The following LSAMP variants were observed in gnomAD, a reference collection of about 807,000 sequenced individuals.
LSAMP encodes the protein limbic system associated membrane protein, also known as limbic system-associated membrane protein.
A neutral mutation model predicts 38.6 loss-of-function variants in LSAMP; 7 were observed. The ratio of observed to expected loss-of-function variants is 0.18; its 90% CI spans 0.10 to 0.34. The LOEUF (loss-of-function observed/expected upper bound fraction) is 0.34, where lower values mean the gene tolerates loss of function less well. Among genes scored for constraint, LSAMP ranks in the 10% least tolerant of loss-of-function variants. The pLI is 1.00. For synonymous variants in LSAMP, 154 were observed against 166.8 expected (o/e 0.92, Z 0.59); for missense variants, 313 against 420.0 (o/e 0.75, Z 2.23).
chr3:116,329,198 C>A (rs539273054), intron 1 of LSAMP, among the ~76,000 whole-genome samples: 38 of 152,260 alleles, frequency 2.5e-4, no homozygotes, highest in African/African-American at 9.1e-4. Context: ...ACTGAATGCA[C>A]ATATTCTAAT....
rs780302421 is a variant in LSAMP at position 115,810,322 on chromosome 3, A to G, written c.1012T>C (p.Cys338Arg). 2.5e-6 allele frequency: 4 copies of G among 1,608,388 alleles called. No homozygotes were observed. The highest frequency in any genetic ancestry group is 3.4e-6 in the Non-Finnish European group (4 of 1,176,476). Reference sequence around the variant, plus strand: ...ATTTTTAAATTTTTATTCTATTAACATTTGCTGAGAAGGCAGAGCAGAGAT... The same window carrying G: ...ATTTTTAAATTTTTATTCTATTAACGTTTGCTGAGAAGGCAGAGCAGAGAT... ...AASLLCLLSK[C>R] The change falls in exon 7 of 7, where the codon TGT becomes CGT. Residue 338 changes from cysteine to arginine, a missense_variant. Coordinates refer to ENST00000490035, the MANE Select transcript of LSAMP (RefSeq NM_002338.5).
At chr3:116,176,471 T>C (rs1376718809) in intron 1 of LSAMP, among the ~76,000 whole-genome samples, 3 of 152,146 alleles carry the variant, frequency 2.0e-5, no homozygotes, top group Non-Finnish European at 2.9e-5. Flanking sequence ...GCTGCCATGA[T>C]CTTACTTGTC....
At chr3:116,341,759 TC>T (rs1252012533) in intron 1 of LSAMP, among the ~76,000 whole-genome samples, 1 of 151,922 alleles carries the variant, frequency 6.6e-6, no homozygotes, top group Non-Finnish European at 1.5e-5. Context: ...GAGAAATGAC[TC>T]CCGCCTTCCT....
chr3:115,826,146 G>A (rs1302501395), intron 6 of LSAMP, among the ~76,000 whole-genome samples: 5 of 142,976 alleles, frequency 3.5e-5, no homozygotes, highest in African/African-American at 1.4e-4. Context: ...ACAGAGTCTC[G>A]ATCTGTCACC....
intron 2 of LSAMP, among the ~76,000 whole-genome samples, chr3:116,083,214 G>A (rs762366537): frequency 3.3e-5 from 5 of 152,128 alleles, no homozygotes; most frequent in Non-Finnish European, 7.3e-5. Flanking sequence ...ACAGGAGTGA[G>A]TTTTATGGAA....
chr3:116,023,102 A>C (rs1239114855), intron 2 of LSAMP, among the ~76,000 whole-genome samples: 1 of 151,856 alleles, frequency 6.6e-6, no homozygotes, highest in Non-Finnish European at 1.5e-5. Context: ...TGTATGGAGG[A>C]TCAATTTTAT....
intron 1 of LSAMP, among the ~76,000 whole-genome samples, chr3:116,105,064 G>A (rs993586152): frequency 6.6e-6 from 1 of 152,014 alleles, no homozygotes; most frequent in Non-Finnish European, 1.5e-5. Flanking sequence ...GGAAGAGCCA[G>A]CTATACTCTA....
At chr3:116,444,660 C>A (rs2049480854) in intron 1 of LSAMP, among the ~76,000 whole-genome samples, 1 of 151,554 alleles carries the variant, frequency 6.6e-6, no homozygotes, top group Admixed American at 6.6e-5. Context: ...TTGACAGGGA[C>A]CAGAATTCCC....
At chr3:116,087,653 T>C (rs546531534) in intron 1 of LSAMP, among the ~76,000 whole-genome samples, 333 of 152,272 alleles carry the variant, frequency 2.2e-3, no homozygotes, top group African/African-American at 7.7e-3. Flanking sequence ...TAAGACACCC[T>C]GTTCCCCTGT....
At chr3:116,147,240 G>A (rs1310503952) in intron 1 of LSAMP, among the ~76,000 whole-genome samples, 1 of 151,778 alleles carries the variant, frequency 6.6e-6, no homozygotes, top group Admixed American at 6.6e-5. Flanking sequence ...CATGTGATGT[G>A]CTTATCCACA....
chr3:115,917,818 T>C (rs937623733), intron 3 of LSAMP, among the ~76,000 whole-genome samples: 14 of 152,196 alleles, frequency 9.2e-5, no homozygotes, highest in Non-Finnish European at 2.9e-5. Context: ...AAACACTTTA[T>C]TGAGCATAGT....
intron 1 of LSAMP, among the ~76,000 whole-genome samples, chr3:116,430,416 G>A (rs915039983): frequency 1.1e-4 from 17 of 151,994 alleles, no homozygotes; most frequent in African/African-American, 4.1e-4. Flanking sequence ...GCAGAGACCT[G>A]AGAAATCACC....
At chr3:116,176,832 G>A (rs1351361842) in intron 1 of LSAMP, among the ~76,000 whole-genome samples, 1 of 152,124 alleles carries the variant, frequency 6.6e-6, no homozygotes, top group Non-Finnish European at 1.5e-5. Context: ...CAAATGGCAT[G>A]AGCATTAAAT....
chr3:116,252,615 C>T (rs1438864903), intron 1 of LSAMP, among the ~76,000 whole-genome samples: 2 of 152,076 alleles, frequency 1.3e-5, no homozygotes, highest in Non-Finnish European at 2.9e-5. Flanking sequence ...TATGAATTCT[C>T]GTGATTCTAA....
chr3:116,413,652 A>G (rs1269476530), intron 1 of LSAMP, among the ~76,000 whole-genome samples: 1 of 152,066 alleles, frequency 6.6e-6, no homozygotes, highest in African/African-American at 2.4e-5. Flanking sequence ...ACTGGTTCCT[A>G]TGCACATGCA....
intron 1 of LSAMP, among the ~76,000 whole-genome samples, chr3:116,307,420 A>G (rs1183340526): frequency 6.6e-6 from 1 of 152,030 alleles, no homozygotes; most frequent in African/African-American, 2.4e-5. Context: ...CTCTAAATGG[A>G]GCCAACTTGG....
intron 6 of LSAMP, among the ~76,000 whole-genome samples, chr3:115,839,245 C>A (rs917326059): frequency 9.6e-5 from 10 of 104,310 alleles, no homozygotes; most frequent in African/African-American, 3.6e-4. Context: ...TTCTTTCCTT[C>A]CTTCCTTCCT....
chr3:116,143,053 T>A (rs999772282), intron 1 of LSAMP, among the ~76,000 whole-genome samples: 13 of 149,632 alleles, frequency 8.7e-5, no homozygotes, highest in African/African-American at 3.2e-4. Flanking sequence ...CTACATTATA[T>A]CTATATAATG....
intron 1 of LSAMP, among the ~76,000 whole-genome samples, chr3:116,424,952 C>T (rs545818227): frequency 1.3e-5 from 2 of 150,584 alleles, no homozygotes; most frequent in Non-Finnish European, 2.9e-5. Flanking sequence ...CTGCATTACT[C>T]TTAAAAATGC....
Sources: allele counts gnomAD v4.1 joint callset (sites outside exome capture counted in the v4.1 genomes callset), GRCh38; gene constraint gnomAD v4.1.1; transcripts MANE v1.5; gene names NCBI Gene and HGNC (gene_info 2026-07-23, HGNC 2026-07-21).